Variants in SDK1 observed in about 807,000 individuals in gnomAD.
SDK1 encodes sidekick cell adhesion molecule 1.
In SDK1, 157 loss-of-function variants were observed where a neutral mutation model predicts 245.5. That is an observed-to-expected ratio of 0.64 (90% CI 0.56 to 0.73). The LOEUF (loss-of-function observed/expected upper bound fraction) is 0.73. Ranked by LOEUF, SDK1 falls within the 30% of genes least tolerant of loss-of-function variation. The pLI is 0.00. For missense variants in SDK1, 3,583 were observed against 3,002.3 expected, an observed-to-expected ratio of 1.19 and a Z score of -4.52; for synonymous variants, 1,647 against 1,278.5, an observed-to-expected ratio of 1.29 and a Z score of -6.15.
chr7:3,437,038 A>G (rs1220531282), intron 1 of SDK1, among the ~76,000 whole-genome samples: 2 of 152,192 alleles, frequency 1.3e-5, no homozygotes, highest in Non-Finnish European at 2.9e-5. Context: ...CTATCAGTCC[A>G]GGAGAGCCTG....
intron 21 of SDK1, among the ~76,000 whole-genome samples, chr7:4,078,757 G>T (rs1049034443): frequency 2.6e-5 from 4 of 152,310 alleles, no homozygotes; most frequent in Middle Eastern, 3.4e-3. Context: ...CATCTGAAGG[G>T]TCTCTCATCT....
chr7:3,531,182 A>G (rs566144573), intron 1 of SDK1, among the ~76,000 whole-genome samples: 1 of 152,282 alleles, frequency 6.6e-6, no homozygotes, highest in East Asian at 1.9e-4. Context: ...TAGGGTTTGC[A>G]GTTGATCTTC....
At chr7:4,246,846 G>A (rs1027575998) in intron 44 of SDK1, among the ~76,000 whole-genome samples, 1 of 152,200 alleles carries the variant, frequency 6.6e-6, no homozygotes, top group Non-Finnish European at 1.5e-5. Flanking sequence ...CAGCAGTTGA[G>A]ACATGGAGTG....
At chr7:4,058,102 G>A (rs532060753) in intron 19 of SDK1, among the ~76,000 whole-genome samples, 1 of 151,724 alleles carries the variant, frequency 6.6e-6, no homozygotes, top group Admixed American at 6.6e-5. Context: ...AAAAAATAAT[G>A]ATATTAAGGA....
At chr7:3,574,515 T>G (rs1780223169) in intron 1 of SDK1, among the ~76,000 whole-genome samples, 1 of 152,080 alleles carries the variant, frequency 6.6e-6, no homozygotes, top group Non-Finnish European at 1.5e-5. Context: ...GCTAGCATGC[T>G]TGTTGCTGAA....
chr7:4,153,695 TTTTA>T (rs1201178878), intron 30 of SDK1, among the ~76,000 whole-genome samples: 4 of 152,152 alleles, frequency 2.6e-5, no homozygotes, highest in Admixed American at 2.0e-4. Context: ...TGGTTGGTTG[TTTTA>T]TTTGTTTTTG....
chr7:3,344,951 C>T (rs1336420920), intron 1 of SDK1, among the ~76,000 whole-genome samples: 1 of 152,172 alleles, frequency 6.6e-6, no homozygotes, highest in African/African-American at 2.4e-5. Flanking sequence ...TGACCTACCA[C>T]ACAGGGTAGT....
At chr7:3,309,222 C>T (rs190263849) in intron 1 of SDK1, among the ~76,000 whole-genome samples, 3 of 151,984 alleles carry the variant, frequency 2.0e-5, no homozygotes, top group South Asian at 2.1e-4. Flanking sequence ...GTGTTAGGCG[C>T]GATGCAAAAA....
intron 1 of SDK1, among the ~76,000 whole-genome samples, chr7:3,420,017 A>G (rs1314177278): frequency 6.6e-6 from 1 of 152,204 alleles, no homozygotes; most frequent in Non-Finnish European, 1.5e-5. Context: ...ATGCCACCCA[A>G]GCTTTGGGTT....
chr7:3,567,885 C>G (rs536455727), intron 1 of SDK1, among the ~76,000 whole-genome samples: 1 of 152,234 alleles, frequency 6.6e-6, no homozygotes, highest in African/African-American at 2.4e-5. Flanking sequence ...GGTCATAGCT[C>G]ATTGCAGCCT....
chr7:3,840,645 G>T (rs1393354816), intron 5 of SDK1, among the ~76,000 whole-genome samples: 1 of 152,194 alleles, frequency 6.6e-6, no homozygotes, highest in Non-Finnish European at 1.5e-5. Context: ...TTTCCAACAA[G>T]CTCCCAGGTG....
intron 5 of SDK1, among the ~76,000 whole-genome samples, chr7:3,846,676 C>T (rs1429169750): frequency 6.6e-6 from 1 of 152,232 alleles, no homozygotes; most frequent in Non-Finnish European, 1.5e-5. Flanking sequence ...ATTTCCCCCA[C>T]TTCTCTGAAC....
At chr7:3,365,025 T>C (rs1029275292) in intron 1 of SDK1, among the ~76,000 whole-genome samples, 1 of 152,218 alleles carries the variant, frequency 6.6e-6, no homozygotes, top group Non-Finnish European at 1.5e-5. Flanking sequence ...TTTGGAGCGA[T>C]TGTAAGTAGT....
intron 4 of SDK1, among the ~76,000 whole-genome samples, chr7:3,730,544 C>T (rs965925458): frequency 3.7e-4 from 57 of 152,042 alleles, no homozygotes; most frequent in African/African-American, 1.2e-3. Context: ...CGGGTGCCAG[C>T]GGGAAGAGCC....
At chr7:3,669,828 T>A (rs998926563) in intron 4 of SDK1, among the ~76,000 whole-genome samples, 5 of 152,202 alleles carry the variant, frequency 3.3e-5, no homozygotes, top group African/African-American at 1.2e-4. Flanking sequence ...TTTTCAAAGG[T>A]GCTTCATACT....
chr7:3,413,249 G>C (rs1339461464), intron 1 of SDK1, among the ~76,000 whole-genome samples: 1 of 152,092 alleles, frequency 6.6e-6, no homozygotes, highest in Non-Finnish European at 1.5e-5. Flanking sequence ...CAAACAGTAG[G>C]GTAGAATAGC....
chr7:3,731,230 A>C (rs1191479828), intron 4 of SDK1, among the ~76,000 whole-genome samples: 4 of 152,100 alleles, frequency 2.6e-5, no homozygotes, highest in African/African-American at 4.8e-5. Flanking sequence ...ACTTCTTTAC[A>C]TCCTTCCATA....
chr7:3,887,977 G>T (rs1459603811), intron 5 of SDK1, among the ~76,000 whole-genome samples: 3 of 152,166 alleles, frequency 2.0e-5, no homozygotes, highest in Non-Finnish European at 4.4e-5. Flanking sequence ...TACAGAAAAA[G>T]TGACCACTAT....
intron 1 of SDK1, among the ~76,000 whole-genome samples, chr7:3,597,845 G>A (rs1781115800): frequency 1.3e-5 from 2 of 152,216 alleles, no homozygotes; most frequent in Admixed American, 1.3e-4. Flanking sequence ...TTTTATTGAT[G>A]TACGTCTCTG....
Sources: allele counts gnomAD v4.1 joint callset (sites outside exome capture counted in the v4.1 genomes callset), GRCh38; gene constraint gnomAD v4.1.1; transcripts MANE v1.5; gene names NCBI Gene and HGNC (gene_info 2026-07-23, HGNC 2026-07-21).